The following EIF4E3 variants were observed in gnomAD, a reference collection of about 807,000 sequenced individuals.
The protein encoded by EIF4E3 is eukaryotic translation initiation factor 4E family member 3, also known as eukaryotic translation initiation factor 4E type 3.
EIF4E3 carries 26 observed loss-of-function variants against 31.7 expected under a neutral mutation model. The observed-to-expected ratio is 0.82, with a 90% confidence interval of 0.60 to 1.14. EIF4E3 has a LOEUF of 1.14. EIF4E3 is among the 50% of genes most tolerant of loss of function. The pLI, the probability that EIF4E3 is intolerant of heterozygous loss-of-function variation, is 0.00. For missense variants in EIF4E3, 304 were observed against 270.9 expected (o/e 1.12, Z -0.86); for synonymous variants, 128 against 107.7 (o/e 1.19, Z -1.17).
intron 1 of EIF4E3, among the ~76,000 whole-genome samples, chr3:71,716,421 G>C (rs2049467097): frequency 6.6e-6 from 1 of 152,102 alleles, no homozygotes; most frequent in Non-Finnish European, 1.5e-5. Context: ...TTTTAGTAGA[G>C]ACGGGGTTTC....
rs1178027331 is a variant in EIF4E3 at position 71,699,678 on chromosome 3, G to A, written c.280C>T (p.Pro94Ser). ...CATCTCAAAGGCAGGCTAGTCACAG[G>A]AGGGATATTATTGTATACACTCCAA... ...IFWSVYNNIP[P>S]VTSLPLRCSY... Residue 94 changes from proline to serine, a missense_variant, in exon 3 of 7, where the codon CCT becomes TCT. Physicochemically the swap from Pro to Ser is moderately conservative, Grantham distance 74 (BLOSUM62 -1). Transcript: ENST00000425534. The A allele has an allele frequency of 6.2e-7, 1 of 1,613,320 alleles. No individual in the cohort carries two copies. The highest frequency in any genetic ancestry group is 1.3e-5 in the African/African-American group (1 of 74,924).
At chr3:71,715,342 A>C (rs1346961539) in intron 1 of EIF4E3, among the ~76,000 whole-genome samples, 1 of 152,252 alleles carries the variant, frequency 6.6e-6, no homozygotes, top group African/African-American at 2.4e-5. Flanking sequence ...TTCTGTGGCC[A>C]CTGGGGATAC....
intron 1 of EIF4E3, among the ~76,000 whole-genome samples, chr3:71,719,723 G>A (rs1364332691): frequency 6.6e-6 from 1 of 152,200 alleles, no homozygotes; most frequent in Admixed American, 6.5e-5. Context: ...AGGTGATAAG[G>A]TTAAAGAAGA....
chr3:71,690,157 C>T lies in EIF4E3; in HGVS notation c.481G>A (p.Val161Ile). The change falls in exon 6 of 7, where the codon GTA (valine) becomes ATA (isoleucine). Residue 161 changes from valine (V) to isoleucine (I), a missense_variant. Transcript: ENST00000425534. ...CGAACACTGACACTAACTCCTATTA[C>T]TTCATCATCTGAGGGGAAGACAGGA... ...FTDCAAADDE[V>I]IGVSVSVRDR... is the part of the protein sequence containing the mutation. 6.2e-7 allele frequency: 1 copy of T among 1,606,554 alleles called. No individual in the cohort carries two copies.
intron 2 of EIF4E3, among the ~76,000 whole-genome samples, chr3:71,703,103 T>G (rs1335217172): frequency 6.6e-6 from 1 of 152,040 alleles, no homozygotes; most frequent in Non-Finnish European, 1.5e-5. Flanking sequence ...GGTTAAATGC[T>G]TTTTTTTCCC....
At chr3:71,736,511 G>A (rs550733022) in intron 1 of EIF4E3, among the ~76,000 whole-genome samples, 2 of 152,296 alleles carry the variant, frequency 1.3e-5, no homozygotes, top group South Asian at 4.1e-4. Context: ...ATACATTGGG[G>A]AAACTTTAAT....
intron 3 of EIF4E3, 72 bp downstream of exon 3, chr3:71,699,542 G>T: frequency 1.5e-6 from 2 of 1,312,498 alleles, no homozygotes; most frequent in Non-Finnish European, 2.2e-6. Context: ...CATCTCAGGT[G>T]ATATGATCTT....
chr3:71,753,968 C>T (rs2049968581), upstream of EIF4E3: 7 of 1,035,088 alleles, frequency 6.8e-6, no homozygotes, highest in South Asian at 3.1e-4. Flanking sequence ...GGCGGAGCGG[C>T]GGAGCTCGGG....
At chr3:71,721,796 T>G (rs1471933421) in intron 1 of EIF4E3, among the ~76,000 whole-genome samples, 3 of 152,140 alleles carry the variant, frequency 2.0e-5, no homozygotes, top group Admixed American at 6.5e-5. Flanking sequence ...CTTGGGTAAT[T>G]CTTCGTAGCA....
chr3:71,752,856 G>C (rs2049947065), intron 1 of EIF4E3, among the ~76,000 whole-genome samples: 1 of 152,224 alleles, frequency 6.6e-6, no homozygotes. Context: ...ACCAGCACAT[G>C]CAAGGTCCTG....
At chr3:71,723,823 C>T (rs2049587069) in intron 1 of EIF4E3, among the ~76,000 whole-genome samples, 1 of 152,096 alleles carries the variant, frequency 6.6e-6, no homozygotes, top group Admixed American at 6.5e-5. Context: ...TCTTAGCATC[C>T]CATAATGAAA....
intron 1 of EIF4E3, among the ~76,000 whole-genome samples, chr3:71,718,039 A>C (rs775608461): frequency 6.6e-6 from 1 of 152,252 alleles, no homozygotes; most frequent in Non-Finnish European, 1.5e-5. Flanking sequence ...ATTCCATCCT[A>C]TGTGAGAGAT....
At chr3:71,712,865 A>C (rs2049403238) in intron 1 of EIF4E3, among the ~76,000 whole-genome samples, 1 of 151,562 alleles carries the variant, frequency 6.6e-6, no homozygotes, top group Non-Finnish European at 1.5e-5. Flanking sequence ...AAAAAAAAAA[A>C]AAAAAAGCAC....
downstream of EIF4E3, among the ~76,000 whole-genome samples, chr3:71,674,028 A>G (rs980295727): frequency 2.7e-5 from 4 of 146,768 alleles, no homozygotes; most frequent in Non-Finnish European, 6.0e-5. Flanking sequence ...CAAGATGGAC[A>G]ATAGGAGACT....
intron 1 of EIF4E3, among the ~76,000 whole-genome samples, chr3:71,713,873 T>C (rs34194376): frequency 0.056 from 8,544 of 152,196 alleles, 322 homozygotes; most frequent in African/African-American, 0.099. Context: ...AAGAGCTCTA[T>C]TTTAACAGTC....
chr3:71,678,529 A>G lies in EIF4E3; in HGVS notation c.*6153T>C, dbSNP rs778453903. 3 of 152,218 alleles carry G rather than the reference A, an allele frequency of 2.0e-5. No individual in the cohort carries two copies. The highest frequency in any genetic ancestry group is 2.9e-5 in the Non-Finnish European group (2 of 68,030). The allele number at this position is 152,218 out of a possible 1,614,324, so 9.4% of individuals were successfully genotyped here. On this transcript the variant is annotated 3_prime_UTR_variant, in exon 7 of 7. Transcript: ENST00000425534. ...GGAATAAAAAATACTGACTTATAGA[A>G]GCAACTTTCACATGTATCTGAACAT...
chr3:71,699,263 A>C (rs553936703), intron 3 of EIF4E3, among the ~76,000 whole-genome samples: 18 of 152,242 alleles, frequency 1.2e-4, no homozygotes, highest in East Asian at 7.7e-4. Flanking sequence ...ACAACAACAA[A>C]AAAAACCCCA....
At chr3:71,732,132 C>T (rs374347105) in intron 1 of EIF4E3, among the ~76,000 whole-genome samples, 7 of 152,144 alleles carry the variant, frequency 4.6e-5, no homozygotes, top group Non-Finnish European at 1.0e-4. Flanking sequence ...ATGGGAGACC[C>T]AGCTTTACTG....
At chr3:71,672,219 A>T (rs978777337), downstream of EIF4E3, among the ~76,000 whole-genome samples, 1 of 152,088 alleles carries the variant, frequency 6.6e-6, no homozygotes, top group Non-Finnish European at 1.5e-5. Context: ...CATTTGCCAG[A>T]TATCACCGGG....
Sources: allele counts gnomAD v4.1 joint callset (sites outside exome capture counted in the v4.1 genomes callset), GRCh38; gene constraint gnomAD v4.1.1; transcripts MANE v1.5; gene names NCBI Gene and HGNC (gene_info 2026-07-23, HGNC 2026-07-21).